Variants in BCAS3 observed in about 807,000 individuals in gnomAD.
BCAS3 encodes the protein BCAS3 microtubule associated cell migration factor.
BCAS3 carries 53 observed loss-of-function variants against 116.1 expected under a neutral mutation model. The observed-to-expected ratio is 0.46, with a 90% CI of 0.37 to 0.57. BCAS3 has a LOEUF of 0.57. BCAS3 is among the 20% of genes least tolerant of loss of function. The probability of loss-of-function intolerance (pLI) is 0.00; values close to 1 mark genes in which losing one functional copy is unlikely to be tolerated. For synonymous variants in BCAS3, 391 were observed against 408.2 expected (o/e 0.96, Z 0.51); for missense variants, 917 against 1,165.4 (o/e 0.79, Z 3.10).
rs930220199 is a variant in BCAS3 at position 61,285,102 on chromosome 17, C to T, written c.2426-83225C>T. Among the ~76,000 whole-genome samples, 1 of 152,174 alleles carries T rather than the reference C, an allele frequency of 6.6e-6. No individual in the cohort carries two copies. The highest frequency in any genetic ancestry group is 1.5e-5 in the Non-Finnish European group (1 of 68,032). On this transcript the variant is annotated intron_variant, in intron 22 of 23. Transcript: ENST00000407086. The surrounding 1 kb of genome is among the most constrained non-coding windows in gnomAD (Gnocchi z 5.4). ...CTAACCTCGGGGTCTCTTCTGTCCC[C>T]TAGTGATTCAAACCAGCTATCCTGA...
In BCAS3 at chr17:61,051,236, C is replaced by G. The variant is rs2068828677; in HGVS notation, c.2029+10344C>G. ...TGCATGATTTCATTTATATAACATTCTCAAAATGACAAAATTATAGAGATA... is the reference window on the plus strand; with the variant it reads ...TGCATGATTTCATTTATATAACATTGTCAAAATGACAAAATTATAGAGATA... On this transcript the variant is annotated intron_variant, in intron 19 of 23. Transcript: ENST00000407086. The surrounding 1 kb of genome is among the most constrained non-coding windows in gnomAD (Gnocchi z 4.1). Among the ~76,000 whole-genome samples the G allele has an allele frequency of 6.6e-6, 1 of 151,926 alleles. No homozygotes were observed. Among genetic ancestry groups the G allele is most frequent in the Non-Finnish European group, 1.5e-5 (1 of 67,958 alleles).
rs35031042 is a variant in BCAS3, at chr17:61,181,874, C to CT, written c.2425+97321dup. Among the ~76,000 whole-genome samples the CT allele has an allele frequency of 0.7, 103,189 of 146,682 alleles. 37,091 individuals are homozygous for CT. Among genetic ancestry groups the CT allele is most frequent in the South Asian group, 0.87 (3,997 of 4,608 alleles). On this transcript the variant is annotated intron_variant, in intron 22 of 23. Transcript: ENST00000407086. This position sits in a 1 kb window ranked among gnomAD's most constrained non-coding sequence, Gnocchi z 5.0. ...ATACCAAAAGTCTTGCTTTTTCCTT[C>CT]TTTTTTTTTTTAATCTTGAGACACG...
rs535841657 is a variant in BCAS3 at position 61,222,672 on chromosome 17, G to GT, written c.2425+138116dup. Reference sequence around the variant, plus strand: ...GTGATTTATGTCACGTGGTATATGGGTTTTTTTTGTTTGTTTGTTTAATTT... The same window carrying GT: ...GTGATTTATGTCACGTGGTATATGGGTTTTTTTTTGTTTGTTTGTTTAATTT... On this transcript the variant is annotated intron_variant, in intron 22 of 23. Coordinates refer to ENST00000407086, the MANE Select transcript of BCAS3 (RefSeq NM_017679.5). The surrounding 1 kb of genome is among the most constrained non-coding windows in gnomAD (Gnocchi z 6.1). Among the ~76,000 whole-genome samples the GT allele has an allele frequency of 1.0e-3, 155 of 151,850 alleles. 2 individuals carry two copies. In the South Asian group the frequency reaches 0.013, roughly 13 times the overall value.
rs2076312710 is a variant in BCAS3 at position 61,131,068 on chromosome 17, A to G, written c.2425+46504A>G. ...AAGACTCTGTCTCAAAAAGGGGGAA[A>G]AAAAAAGATGTTGGAGACCTAGGTT... is the stretch of plus-strand genomic sequence containing the variant. On this transcript the variant is annotated intron_variant, in intron 22 of 23. Transcript: ENST00000407086. The surrounding 1 kb of genome is among the most constrained non-coding windows in gnomAD (Gnocchi z 4.4). Among the ~76,000 whole-genome samples, 1 of 152,152 alleles carries G rather than the reference A, an allele frequency of 6.6e-6. No homozygotes were observed. The highest frequency in any genetic ancestry group is 1.5e-5 in the Non-Finnish European group (1 of 68,022).
At chr17:61,035,812 G>C (rs1019862786) in intron 17 of BCAS3, among the ~76,000 whole-genome samples, 1 of 152,124 alleles carries the variant, frequency 6.6e-6, no homozygotes, top group African/African-American at 2.4e-5. Flanking sequence ...CTAATGGGTT[G>C]GTAGCGTATA....
At chr17:61,386,516 A>G (rs2059858592) in intron 23 of BCAS3, among the ~76,000 whole-genome samples, 1 of 152,214 alleles carries the variant, frequency 6.6e-6, no homozygotes. Context: ...GCTCATGTAC[A>G]GAGCCGTGGA....
At chr17:60,787,807 G>A (rs1378460129) in intron 6 of BCAS3, among the ~76,000 whole-genome samples, 1 of 152,068 alleles carries the variant, frequency 6.6e-6, no homozygotes, top group African/African-American at 2.4e-5. Flanking sequence ...GCAGGGGTGT[G>A]TTTGACATAC....
chr17:61,001,635 G>GTA (rs1203931073), intron 15 of BCAS3, among the ~76,000 whole-genome samples: 3 of 152,100 alleles, frequency 2.0e-5, no homozygotes, highest in Non-Finnish European at 4.4e-5. Flanking sequence ...TATATAAATA[G>GTA]TATAAACATG....
intron 4 of BCAS3, among the ~76,000 whole-genome samples, chr17:60,705,512 CA>C (rs1033436210): frequency 3.7e-3 from 230 of 61,850 alleles, no homozygotes; most frequent in Middle Eastern, 0.016. Flanking sequence ...AGACTTGTCT[CA>C]AAAAAAAAAA....
chr17:61,001,940 A>T (rs2064271794), intron 15 of BCAS3, among the ~76,000 whole-genome samples: 1 of 152,136 alleles, frequency 6.6e-6, no homozygotes, highest in Non-Finnish European at 1.5e-5. Flanking sequence ...CCTTCCTGAA[A>T]ACAAGATGCT....
chr17:61,149,144 G>GA (rs1005069265), intron 22 of BCAS3, among the ~76,000 whole-genome samples: 3 of 152,016 alleles, frequency 2.0e-5, no homozygotes, highest in Non-Finnish European at 2.9e-5. Context: ...GACCTTGCCA[G>GA]AAAGAGATAT....
At chr17:60,974,942 AC>A (rs2062199901) in intron 14 of BCAS3, among the ~76,000 whole-genome samples, 1 of 150,236 alleles carries the variant, frequency 6.7e-6, no homozygotes, top group Admixed American at 6.6e-5. Context: ...ATCTGGTTAT[AC>A]CTTTTACCCA....
intron 19 of BCAS3, among the ~76,000 whole-genome samples, chr17:61,047,825 G>A (rs887181386): frequency 4.6e-5 from 7 of 151,950 alleles, no homozygotes; most frequent in African/African-American, 1.7e-4. Context: ...GAAAAATAAT[G>A]TTTCCTCCTT....
rs532699597 is a variant in BCAS3 at position 60,686,806 on chromosome 17, G to A, written c.138+2770G>A. 8.5e-5 allele frequency among the ~76,000 whole-genome samples: 13 copies of A among 152,248 alleles called. No individual in the cohort carries two copies. The East Asian group carries it at 1.4e-3, about 16-fold the overall frequency. On this transcript the variant is annotated intron_variant, in intron 3 of 23. Coordinates refer to ENST00000407086, the MANE Select transcript of BCAS3 (RefSeq NM_017679.5). ...CTCGCAAAGTTCTGGGATTACAGGC[G>A]TGAGCCACTGCACCTGGCCGAAAAT...
chr17:60,830,693 T>C (rs2050837619), intron 7 of BCAS3, among the ~76,000 whole-genome samples: 1 of 152,134 alleles, frequency 6.6e-6, no homozygotes, highest in South Asian at 2.1e-4. Flanking sequence ...GAGTTTAAAT[T>C]ATAAAGCTGG....
Position 61,098,010 on chromosome 17 carries a change from T to C in BCAS3, c.2425+13446T>C, listed in dbSNP as rs1345836883. Among the ~76,000 whole-genome samples the C allele has an allele frequency of 6.6e-6, 1 of 152,246 alleles. No homozygotes were observed. The highest frequency in any genetic ancestry group is 6.5e-5 in the Admixed American group (1 of 15,286). On this transcript the variant is annotated intron_variant, in intron 22 of 23. Transcript: ENST00000407086. This position sits in a 1 kb window ranked among gnomAD's most constrained non-coding sequence, Gnocchi z 4.2. ...GTGATGAATTCCCAGCTTGTCCTTATTGCTTTAGGCAACAACTGACAGGCC... is the reference window on the plus strand; with the variant it reads ...GTGATGAATTCCCAGCTTGTCCTTACTGCTTTAGGCAACAACTGACAGGCC...
At chr17:60,695,730 C>G (rs1219039125) in intron 4 of BCAS3, among the ~76,000 whole-genome samples, 1 of 152,148 alleles carries the variant, frequency 6.6e-6, no homozygotes, top group Non-Finnish European at 1.5e-5. Context: ...TCCCAAGTAG[C>G]TAGCACTATA....
rs2050935009 is a variant in BCAS3, at chr17:61,278,167, C to CGA, written c.2426-90158_2426-90157dup. On this transcript the variant is annotated intron_variant, in intron 22 of 23. Transcript: ENST00000407086. This position sits in a 1 kb window ranked among gnomAD's most constrained non-coding sequence, Gnocchi z 5.8. ...AAGCAATTCTCCTGCCTCAGCCTCCCGAGTAGCTGGGATTACAGACACATG... is the reference window on the plus strand; with the variant it reads ...AAGCAATTCTCCTGCCTCAGCCTCCCGAGAGTAGCTGGGATTACAGACACATG... Among the ~76,000 whole-genome samples the CGA allele has an allele frequency of 6.6e-6, 1 of 152,214 alleles. No individual in the cohort carries two copies. The highest frequency in any genetic ancestry group is 1.9e-4 in the East Asian group (1 of 5,178).
chr17:61,230,171 A>G (rs1287262639), intron 22 of BCAS3, among the ~76,000 whole-genome samples: 2 of 129,364 alleles, frequency 1.5e-5, no homozygotes, highest in Non-Finnish European at 3.5e-5. Context: ...ACACACACAC[A>G]CACATAGTGT....
Sources: allele counts gnomAD v4.1 joint callset (sites outside exome capture counted in the v4.1 genomes callset), GRCh38; gene constraint gnomAD v4.1.1; non-coding constraint Gnocchi (gnomAD v3.1); transcripts MANE v1.5; gene names NCBI Gene and HGNC (gene_info 2026-07-23, HGNC 2026-07-21).